The following VPS13D variants were observed in gnomAD, a reference collection of about 807,000 sequenced individuals.
The protein encoded by VPS13D is intermembrane lipid transfer protein VPS13D.
VPS13D carries 187 observed loss-of-function variants against 461.9 expected under a neutral mutation model. The ratio of observed to expected loss-of-function variants is 0.40; its 90% CI spans 0.36 to 0.46. VPS13D has a LOEUF of 0.46. Among genes scored for constraint, VPS13D ranks in the 20% least tolerant of loss-of-function variants. The pLI is 0.60. For synonymous variants in VPS13D, 1,951 were observed against 1,986.3 expected, an observed-to-expected ratio of 0.98 and a Z score of 0.47; for missense variants, 4,711 against 5,364.9, an observed-to-expected ratio of 0.88 and a Z score of 3.81.
chr1:12,458,135 T>C lies in VPS13D; in HGVS notation c.12466+2005T>C, dbSNP rs116678033. 3.6e-3 allele frequency among the ~76,000 whole-genome samples: 549 copies of C among 152,212 alleles called. 1 individual carries two copies. Among genetic ancestry groups the C allele is most frequent in the African/African-American group, 0.011 (475 of 41,524 alleles). The stretch of plus-strand genomic sequence containing the variant: ...AATCATTCCTATAATATGTACAGCC[T>C]CTCCAGGAGCCAATGGCTTCATCCA... On this transcript the variant is annotated intron_variant, in intron 66 of 69. Coordinates refer to ENST00000620676, the MANE Select transcript of VPS13D (RefSeq NM_015378.4).
At chr1:12,380,530 T>C (rs1444564312) in intron 57 of VPS13D, among the ~76,000 whole-genome samples, 1 of 152,254 alleles carries the variant, frequency 6.6e-6, no homozygotes, top group African/African-American at 2.4e-5. Context: ...AAATATGTGT[T>C]TGGCAAATTA....
chr1:12,440,338 A>G (rs547439360), intron 65 of VPS13D, among the ~76,000 whole-genome samples: 1 of 152,280 alleles, frequency 6.6e-6, no homozygotes, highest in African/African-American at 2.4e-5. Context: ...TAAGTGTAGA[A>G]CACTCTTAAA....
chr1:12,398,570 C>T (rs1644530349), intron 60 of VPS13D, among the ~76,000 whole-genome samples: 1 of 152,078 alleles, frequency 6.6e-6, no homozygotes, highest in Non-Finnish European at 1.5e-5. Flanking sequence ...TTTCCTCTTC[C>T]TGGTGGTGAA....
intron 42 of VPS13D, 26 bp downstream of exon 42, chr1:12,343,077 TA>T (rs779158947): frequency 1.1e-5 from 17 of 1,560,536 alleles, no homozygotes; most frequent in South Asian, 3.6e-5. Flanking sequence ...TTCTTTTCTT[TA>T]AAAAAAAGAA....
At chr1:12,494,992 C>A (rs1645937505) in intron 67 of VPS13D, among the ~76,000 whole-genome samples, 1 of 152,226 alleles carries the variant, frequency 6.6e-6, no homozygotes, top group African/African-American at 2.4e-5. Flanking sequence ...ATAAACCAGA[C>A]ACTGTTCTCC....
chr1:12,260,415 A>AT (rs975675456), intron 10 of VPS13D, among the ~76,000 whole-genome samples: 165 of 150,256 alleles, frequency 1.1e-3, no homozygotes, highest in Middle Eastern at 3.5e-3. Context: ...CTTGTTAGTG[A>AT]TTTTTTTTTT....
chr1:12,439,885 C>G (rs1645108054), intron 65 of VPS13D, among the ~76,000 whole-genome samples: 1 of 152,160 alleles, frequency 6.6e-6, no homozygotes, highest in African/African-American at 2.4e-5. Flanking sequence ...ACATTTGAAC[C>G]CTAATGTGTG....
In VPS13D at chr1:12,502,120, AGAG is replaced by A. The variant is rs1177425557; in HGVS notation, c.12794+4492_12794+4494del. 2.0e-5 allele frequency among the ~76,000 whole-genome samples: 3 copies of A among 152,188 alleles called. No individual in the cohort carries two copies. Among genetic ancestry groups the A allele is most frequent in the African/African-American group, 7.2e-5 (3 of 41,452 alleles). Reference sequence around the variant, plus strand: ...GTAGGTGGGAGTGAGATTGTGAGGAAGAGGATCCCACTCAAAATTCGTCATGAA... The same window carrying A: ...GTAGGTGGGAGTGAGATTGTGAGGAAGATCCCACTCAAAATTCGTCATGAA... On this transcript the variant is annotated intron_variant, in intron 68 of 69. Transcript: ENST00000620676. This position sits in a 1 kb window ranked among gnomAD's most constrained non-coding sequence, Gnocchi z 4.3.
chr1:12,330,959 T>C (rs907074235), intron 37 of VPS13D, among the ~76,000 whole-genome samples: 1 of 152,214 alleles, frequency 6.6e-6, no homozygotes, highest in Non-Finnish European at 1.5e-5. Flanking sequence ...TATTCTGCCC[T>C]ACCTGCTCCC....
At chr1:12,382,000 C>CCTTT (rs1422784365) in intron 57 of VPS13D, among the ~76,000 whole-genome samples, 1 of 139,404 alleles carries the variant, frequency 7.2e-6, no homozygotes, top group Admixed American at 7.8e-5. Flanking sequence ...CTCTCTCCTT[C>CCTTT]CTTCCTTTCT....
Position 12,304,536 on chromosome 1 carries a change from A to T in VPS13D, c.6247A>T (p.Ile2083Phe). 6.2e-7 allele frequency: 1 copy of T among 1,614,030 alleles called. No homozygotes were observed. The highest frequency in any genetic ancestry group is 8.5e-7 in the Non-Finnish European group (1 of 1,179,982). ...ESVPSASPTGIPKHSLRKTTS... is the reference protein window; with the variant it reads ...ESVPSASPTGFPKHSLRKTTS... ...TGTGCCTTCAGCTTCCCCAACGGGT[A>T]TTCCCAAACACAGTCTGAGGAAAAC... The change falls in exon 26 of 70, where the codon ATT (isoleucine) becomes TTT (phenylalanine). Residue 2083 changes from isoleucine (I) to phenylalanine (F), a missense_variant. Around this residue, in one of 3 missense-constraint regions of VPS13D, gnomAD observed 4,411 missense variants for 4,937.8 expected, o/e 0.89. Transcript: ENST00000620676.
Position 12,279,460 on chromosome 1 carries a change from T to G in VPS13D, c.4451-39T>G. On this transcript the variant is annotated intron_variant, in intron 19 of 69. Transcript: ENST00000620676. This position sits in a 1 kb window ranked among gnomAD's most constrained non-coding sequence, Gnocchi z 4.3. Reference sequence around the variant, plus strand: ...TAATCAGCAGTAATGAAGTAAATATTAAGGTTTATGGTCTATCATTTCATC... The same window carrying G: ...TAATCAGCAGTAATGAAGTAAATATGAAGGTTTATGGTCTATCATTTCATC... The G allele has an allele frequency of 2.6e-6, 4 of 1,538,314 alleles. No homozygotes were observed. Among genetic ancestry groups the G allele is most frequent in the Non-Finnish European group, 3.5e-6 (4 of 1,133,196 alleles).
chr1:12,350,843 AAGGAATGAAAAAAATG>A, intron 46 of VPS13D, among the ~76,000 whole-genome samples: 1 of 152,244 alleles, frequency 6.6e-6, no homozygotes, highest in Non-Finnish European at 1.5e-5. Flanking sequence ...TTACCAATAT[AAGGAATGAAAAAAATG>A]AGGCACTATT....
intron 65 of VPS13D, among the ~76,000 whole-genome samples, chr1:12,427,174 G>A (rs541966842): frequency 6.6e-6 from 1 of 151,220 alleles, no homozygotes; most frequent in East Asian, 1.9e-4. Flanking sequence ...TGTTGGTAAA[G>A]CATTTAGATA....
intron 6 of VPS13D, among the ~76,000 whole-genome samples, chr1:12,251,535 A>G (rs758838998): frequency 6.6e-5 from 10 of 152,206 alleles, no homozygotes; most frequent in African/African-American, 9.6e-5. Context: ...GTATTTGTAC[A>G]GTACACCGGG....
At chr1:12,312,073 C>T (rs1642767178) in intron 29 of VPS13D, 148 bp downstream of exon 29, 1 of 670,224 alleles carries the variant, frequency 1.5e-6, no homozygotes, top group African/African-American at 1.8e-5. Context: ...CTACACAGTG[C>T]TTTTGAAAAG....
Position 12,473,423 on chromosome 1 carries a change from G to A in VPS13D, c.12662+13027G>A, listed in dbSNP as rs1431262123. Reference sequence around the variant, plus strand: ...TGGCTGCTTCCGGCATCTGCAGTGCGAGGGTAAACAGGCCTACTGGGGAGT... The same window carrying A: ...TGGCTGCTTCCGGCATCTGCAGTGCAAGGGTAAACAGGCCTACTGGGGAGT... On this transcript the variant is annotated intron_variant, in intron 67 of 69. Coordinates refer to ENST00000620676, the MANE Select transcript of VPS13D (RefSeq NM_015378.4). This position sits in a 1 kb window ranked among gnomAD's most constrained non-coding sequence, Gnocchi z 4.2. Among the ~76,000 whole-genome samples the A allele has an allele frequency of 6.6e-6, 1 of 152,208 alleles. No homozygotes were observed. The highest frequency in any genetic ancestry group is 2.4e-5 in the African/African-American group (1 of 41,446).
chr1:12,323,701 C>G lies in VPS13D; in HGVS notation c.7916-5C>G, dbSNP rs756887407. The G allele has an allele frequency of 2.2e-5, 36 of 1,612,350 alleles. No homozygotes were observed. In the South Asian group the frequency reaches 4.0e-4, roughly 18 times the overall value. On this transcript the variant is annotated splice_region_variant and splice_polypyrimidine_tract_variant and intron_variant, in intron 34 of 69. Coordinates refer to ENST00000620676, the MANE Select transcript of VPS13D (RefSeq NM_015378.4). ...TATGAAAATTTTATGCTATTTGTTT[C>G]CTAGAGTTACAGCTGGCTAGGCTGC...
At chr1:12,281,716 TGTCA>T (rs1641789719) in intron 20 of VPS13D, among the ~76,000 whole-genome samples, 1 of 152,200 alleles carries the variant, frequency 6.6e-6, no homozygotes. Context: ...CAAAATTCCC[TGTCA>T]GTCATTCACA....
Sources: allele counts gnomAD v4.1 joint callset (sites outside exome capture counted in the v4.1 genomes callset), GRCh38; gene constraint gnomAD v4.1.1; regional missense constraint gnomAD v4.1.1; non-coding constraint Gnocchi (gnomAD v3.1); transcripts MANE v1.5; gene names NCBI Gene and HGNC (gene_info 2026-07-23, HGNC 2026-07-21).